Variants in PAAF1 observed in about 807,000 individuals in gnomAD.
PAAF1 encodes proteasomal ATPase associated factor 1.
A neutral mutation model predicts 52.8 loss-of-function variants in PAAF1; 46 were observed. The ratio of observed to expected loss-of-function variants is 0.87; its 90% CI spans 0.69 to 1.11. The LOEUF is 1.11. PAAF1 is among the 50% of genes most tolerant of loss of function. The pLI, the probability that PAAF1 is intolerant of heterozygous loss-of-function variation, is 0.00. For missense variants in PAAF1, 424 were observed against 477.4 expected (o/e 0.89, Z 1.04); for synonymous variants, 178 against 172.8 (o/e 1.03, Z -0.24).
chr11:73,924,574 A>T (rs1950304148), intron 10 of PAAF1, 41 bp from the exon 11 acceptor site: 1 of 1,499,026 alleles, frequency 6.7e-7, no homozygotes, highest in Non-Finnish European at 9.3e-7. Context: ...CTCTGGATGC[A>T]GTTTTCTCTT....
At chr11:73,878,750 C>G in intron 1 of PAAF1, 29 bp from the exon 2 acceptor site, 1 of 1,610,592 alleles carries the variant, frequency 6.2e-7, no homozygotes, top group Non-Finnish European at 8.5e-7. Context: ...TTTGGGTAAG[C>G]CTAATTAGGC....
chr11:73,890,809 G>A (rs568233235), intron 3 of PAAF1, among the ~76,000 whole-genome samples: 2 of 152,270 alleles, frequency 1.3e-5, no homozygotes, highest in South Asian at 2.1e-4. Flanking sequence ...TTCTTAAAAC[G>A]AATGCTCTAA....
At chr11:73,927,206 T>G (rs12290910) in intron 11 of PAAF1, 79 bp from the exon 12 acceptor site, 2 of 1,010,110 alleles carry the variant, frequency 2.0e-6, no homozygotes, top group Non-Finnish European at 1.6e-6. Flanking sequence ...GGGACTAGTG[T>G]GTGTCAATCA....
At chr11:73,876,922 C>A, upstream of PAAF1, 1 of 1,174,348 alleles carries the variant, frequency 8.5e-7, no homozygotes, top group Non-Finnish European at 1.1e-6. Context: ...TCATTGGTGG[C>A]CTCTTGGTGT....
intron 7 of PAAF1, among the ~76,000 whole-genome samples, 180 bp downstream of exon 7, chr11:73,909,773 G>A (rs1297903486): frequency 2.6e-5 from 4 of 152,172 alleles, no homozygotes; most frequent in African/African-American, 9.6e-5. Flanking sequence ...ATCTACAAAG[G>A]AAGTATATGT....
At chr11:73,914,001 G>A (rs1434840014) in intron 7 of PAAF1, among the ~76,000 whole-genome samples, 1 of 152,082 alleles carries the variant, frequency 6.6e-6, no homozygotes, top group Non-Finnish European at 1.5e-5. Context: ...GGGGTGCTAT[G>A]TTTGTGCTTG....
chr11:73,877,457 G>C (rs921503176), intron 1 of PAAF1, among the ~76,000 whole-genome samples: 1 of 152,114 alleles, frequency 6.6e-6, no homozygotes, highest in African/African-American at 2.4e-5. Context: ...TATTCTCCTA[G>C]GCCCCTAATG....
intron 10 of PAAF1, 31 bp from the exon 11 acceptor site, chr11:73,924,584 T>G: frequency 6.4e-7 from 1 of 1,561,346 alleles, no homozygotes; most frequent in African/African-American, 1.4e-5. Context: ...AGTTTTCTCT[T>G]AGTTATATGA....
chr11:73,924,572 G>T, intron 10 of PAAF1, 43 bp from the exon 11 acceptor site: 1 of 1,479,850 alleles, frequency 6.8e-7, no homozygotes, highest in Non-Finnish European at 9.4e-7. Flanking sequence ...AACTCTGGAT[G>T]CAGTTTTCTC....
At chr11:73,910,725 T>G (rs906404558) in intron 7 of PAAF1, among the ~76,000 whole-genome samples, 2 of 152,132 alleles carry the variant, frequency 1.3e-5, no homozygotes, top group Non-Finnish European at 2.9e-5. Flanking sequence ...GTGCAGTGGC[T>G]CACGCCTGTA....
chr11:73,921,473 C>A (rs183086437), intron 10 of PAAF1, among the ~76,000 whole-genome samples: 1 of 152,140 alleles, frequency 6.6e-6, no homozygotes, highest in African/African-American at 2.4e-5. Context: ...CAGAAAATTT[C>A]AAATCACTGT....
At chr11:73,920,226 TA>T (rs943400346) in intron 10 of PAAF1, among the ~76,000 whole-genome samples, 15 of 151,730 alleles carry the variant, frequency 9.9e-5, no homozygotes, top group African/African-American at 3.2e-4. Flanking sequence ...ATTTTTTATA[TA>T]TTTTTTTAAT....
chr11:73,895,834 C>T (rs779129896), intron 4 of PAAF1, among the ~76,000 whole-genome samples: 8 of 152,158 alleles, frequency 5.3e-5, no homozygotes, highest in Non-Finnish European at 7.3e-5. Context: ...AGGCTGGGCG[C>T]GGTGGCTCAC....
Position 73,927,363 on chromosome 11 carries a change from C to T in PAAF1, c.*1C>T. ...ACGCTACCAGCTTTCTGACCTCTGA[C>T]TTCTTGGAAAGAGCAGTCCCGGTTA... On this transcript the variant is annotated 3_prime_UTR_variant, in exon 12 of 12. Transcript: ENST00000310571. 6.2e-7 allele frequency: 1 copy of T among 1,613,072 alleles called. No homozygotes were observed. Among genetic ancestry groups the T allele is most frequent in the South Asian group, 1.1e-5 (1 of 91,050 alleles).
intron 4 of PAAF1, among the ~76,000 whole-genome samples, chr11:73,898,137 C>A (rs947323912): frequency 1.4e-5 from 2 of 146,542 alleles, no homozygotes; most frequent in South Asian, 2.3e-4. Context: ...GCAGCAGTAC[C>A]GTCCAGCTGG....
At chr11:73,903,387 A>G (rs892435326) in intron 6 of PAAF1, among the ~76,000 whole-genome samples, 1 of 152,294 alleles carries the variant, frequency 6.6e-6, no homozygotes, top group East Asian at 1.9e-4. Flanking sequence ...TCTCCAACCA[A>G]ATGACTTCCA....
At chr11:73,918,918 A>T (rs1211023112) in intron 9 of PAAF1, 32 bp from the exon 10 acceptor site, 1 of 1,567,248 alleles carries the variant, frequency 6.4e-7, no homozygotes, top group Admixed American at 1.7e-5. Flanking sequence ...TTGAAGAAAG[A>T]AAGTAAAATT....
At chr11:73,896,626 G>T (rs528236677) in intron 4 of PAAF1, among the ~76,000 whole-genome samples, 1 of 152,026 alleles carries the variant, frequency 6.6e-6, no homozygotes, top group Non-Finnish European at 1.5e-5. Flanking sequence ...TAAGGTCACC[G>T]ATCAACAGGA....
At chr11:73,922,246 C>T (rs954552654) in intron 10 of PAAF1, 18 of 623,112 alleles carry the variant, frequency 2.9e-5, no homozygotes, top group Middle Eastern at 3.8e-4. Flanking sequence ...TACTTTTCTA[C>T]TTTTCTGCTG....
Sources: gnomAD v4.1 joint callset for allele counts (sites outside exome capture counted in the v4.1 genomes callset) on GRCh38, gnomAD v4.1.1 for gene constraint, MANE v1.5 for transcripts, NCBI Gene and HGNC (gene_info 2026-07-23, HGNC 2026-07-21) for gene names.